Variants in SYCP2 observed in about 807,000 individuals in gnomAD.
SYCP2 encodes synaptonemal complex protein 2.
Under a neutral mutation model 211.3 loss-of-function variants are expected in SYCP2, and 55 were observed. The ratio of observed to expected loss-of-function variants is 0.26; its 90% CI spans 0.21 to 0.33. The LOEUF is 0.33. Ranked by LOEUF, SYCP2 falls within the 10% of genes least tolerant of loss-of-function variation. The pLI is 1.00. For missense variants in SYCP2, 1,731 were observed against 1,752.0 expected, an observed-to-expected ratio of 0.99 and a Z score of 0.21; for synonymous variants, 570 against 555.2, an observed-to-expected ratio of 1.03 and a Z score of -0.37.
intron 36 of SYCP2, among the ~76,000 whole-genome samples, 160 bp from the exon 37 acceptor site, chr20:59,869,085 G>A (rs2059402732): frequency 6.6e-6 from 1 of 151,582 alleles, no homozygotes; most frequent in Admixed American, 6.6e-5. Context: ...TTTACCATGT[G>A]TTAACCTTGA....
rs1568905831 is a variant in SYCP2 at position 59,869,957 on chromosome 20, A to G, written c.3582T>C (p.Asn1194=). 6.2e-7 allele frequency: 1 copy of G among 1,600,814 alleles called. No homozygotes were observed. Among genetic ancestry groups the G allele is most frequent in the Non-Finnish European group, 8.5e-7 (1 of 1,172,560 alleles). ...FLPRHTPTKS[N]TIVNRKKISS... ...TTATTTTTTTTCTATTTACAATAGT[A>G]TTACTCTTAGTTGGAGTATGTCTGG... Residue 1194 remains asparagine (N), a synonymous_variant, in exon 36 of 45, where the codon AAT becomes AAC. Coordinates refer to ENST00000357552, the MANE Select transcript of SYCP2 (RefSeq NM_014258.4).
Position 59,869,797 on chromosome 20 carries a change from C to T in SYCP2, c.3741+1G>A. 1.3e-6 allele frequency: 2 copies of T among 1,587,312 alleles called. No individual in the cohort carries two copies. The highest frequency in any genetic ancestry group is 1.7e-6 in the Non-Finnish European group (2 of 1,160,512). On this transcript the variant is annotated splice_donor_variant, in intron 36 of 44. Coordinates refer to ENST00000357552, the MANE Select transcript of SYCP2 (RefSeq NM_014258.4). LOFTEE classifies it high-confidence loss of function. ...TTTATAAGTTATAGTCCCACACTTA[C>T]CTCTCTTTTGCTTTGTATATAATTT...
chr20:59,880,840 G>A (rs2059663674), intron 30 of SYCP2, 126 bp downstream of exon 30: 3 of 497,060 alleles, frequency 6.0e-6, no homozygotes, highest in Non-Finnish European at 1.1e-5. Context: ...TTCATAATAG[G>A]AAGGTGGATA....
intron 6 of SYCP2, 73 bp from the exon 7 acceptor site, chr20:59,919,255 T>A: frequency 1.2e-6 from 1 of 808,280 alleles, no homozygotes; most frequent in Non-Finnish European, 2.0e-6. Flanking sequence ...TATAAACCAT[T>A]ACAAATGGTA....
Position 59,916,511 on chromosome 20 carries a change from CTT to C in SYCP2, c.486_487del (p.Arg163SerfsTer18), listed in dbSNP as rs1196191780. Reference sequence around the variant, plus strand: ...CTCTTGCTGAATACAAATATTCACTCTTGAGTCAATAACCAGGGAACAAATGC... The same window carrying C: ...CTCTTGCTGAATACAAATATTCACTCGAGTCAATAACCAGGGAACAAATGC... On this transcript the variant is annotated frameshift_variant, in exon 8 of 45. Coordinates refer to ENST00000357552, the MANE Select transcript of SYCP2 (RefSeq NM_014258.4). LOFTEE classifies it high-confidence loss of function. 6.2e-7 allele frequency: 1 copy of C among 1,610,490 alleles called. No individual in the cohort carries two copies. Among genetic ancestry groups the C allele is most frequent in the African/African-American group, 1.3e-5 (1 of 74,826 alleles).
chr20:59,865,863 G>T lies in SYCP2; in HGVS notation c.4323C>A (p.Asp1441Glu), dbSNP rs764075330. 5.9e-6 allele frequency: 8 copies of T among 1,363,132 alleles called. No individual in the cohort carries two copies. The highest frequency in any genetic ancestry group is 1.8e-5 in the South Asian group (1 of 56,466). 84.4% of individuals were successfully genotyped at this position (1,363,132 alleles called of 1,614,324 possible). Residue 1441 changes from aspartate (D) to glutamate (E), a missense_variant and splice_region_variant, in exon 42 of 45, where the codon GAC becomes GAA. By Grantham distance (45) the Asp-to-Glu change is conservative. Transcript: ENST00000357552. ...ACTTCTGAAATATCTTTTCCCAAAAGTCCTAAATTAATTAATAAAATTTTA... is the reference window on the plus strand; with the variant it reads ...ACTTCTGAAATATCTTTTCCCAAAATTCCTAAATTAATTAATAAAATTTTA... Reference protein sequence around the residue: ...SLKDLEKEFVDFWEKIFQKFS... With the variant: ...SLKDLEKEFVEFWEKIFQKFS...
chr20:59,906,786 G>A (rs1568962148), intron 15 of SYCP2, among the ~76,000 whole-genome samples: 1 of 151,850 alleles, frequency 6.6e-6, no homozygotes, highest in East Asian at 1.9e-4. Context: ...TGTCAAAGGA[G>A]TGGAATCTAG....
Position 59,921,447 on chromosome 20 carries a change from C to A in SYCP2, c.31G>T (p.Glu11Ter). The A allele has an allele frequency of 6.3e-7, 1 of 1,599,444 alleles. No individual in the cohort carries two copies. Among genetic ancestry groups the A allele is most frequent in the Non-Finnish European group, 8.5e-7 (1 of 1,171,786 alleles). The change falls in exon 4 of 45, where the codon GAA becomes TAA. Residue 11 changes from glutamate (E) to a stop codon, truncating the protein, a stop_gained. Coordinates refer to ENST00000357552, the MANE Select transcript of SYCP2 (RefSeq NM_014258.4). LOFTEE classifies it high-confidence loss of function. ...CTTAAAGCATCATCAATGCATTTTT[C>A]CAACTGCTAGAGAAATATATTTAAT... is the stretch of plus-strand genomic sequence containing the variant. MPIRPDLQQL[E>*]KCIDDALRKN... is the part of the protein sequence containing the mutation.
chr20:59,917,539 G>A (rs1023805445), intron 7 of SYCP2, among the ~76,000 whole-genome samples: 2 of 152,096 alleles, frequency 1.3e-5, no homozygotes, highest in African/African-American at 4.8e-5. Flanking sequence ...TGGTGCTTTA[G>A]GATTTTTTCC....
Position 59,874,601 on chromosome 20 carries a change from C to T in SYCP2, c.3350-540G>A, listed in dbSNP as rs2059518513. 2.6e-5 allele frequency among the ~76,000 whole-genome samples: 4 copies of T among 151,978 alleles called. No homozygotes were observed. The South Asian group carries it at 6.2e-4, about 24-fold the overall frequency. The stretch of plus-strand genomic sequence containing the variant: ...TCATAGTGGTCCTTAGTACTGAGAA[C>T]ACAATAGCTACTTTAGAGGAAGCAG... On this transcript the variant is annotated intron_variant, in intron 34 of 44. Coordinates refer to ENST00000357552, the MANE Select transcript of SYCP2 (RefSeq NM_014258.4).
At chr20:59,876,168 C>T (rs981496028) in intron 33 of SYCP2, among the ~76,000 whole-genome samples, 9 of 151,066 alleles carry the variant, frequency 6.0e-5, no homozygotes, top group East Asian at 2.0e-4. Flanking sequence ...GTCAAGAGAT[C>T]GAGACCATCC....
chr20:59,875,143 CA>C (rs2059530972), intron 34 of SYCP2, 127 bp downstream of exon 34: 1 of 569,766 alleles, frequency 1.8e-6, no homozygotes, highest in African/African-American at 1.9e-5. Flanking sequence ...ATTAGCTTAA[CA>C]ATGAAGTTTT....
chr20:59,912,745 T>A (rs571050285), intron 12 of SYCP2, among the ~76,000 whole-genome samples: 1 of 152,300 alleles, frequency 6.6e-6, no homozygotes, highest in South Asian at 2.1e-4. Flanking sequence ...TCCCATGTGT[T>A]GTGTGAGGGA....
chr20:59,921,450 A>T lies in SYCP2; in HGVS notation c.28T>A (p.Leu10Met), dbSNP rs1450082817. MPIRPDLQQ[L>M]EKCIDDALRK... ...AAAGCATCATCAATGCATTTTTCCAACTGCTAGAGAAATATATTTAATGGC... is the reference window on the plus strand; with the variant it reads ...AAAGCATCATCAATGCATTTTTCCATCTGCTAGAGAAATATATTTAATGGC... Residue 10 changes from leucine (L) to methionine (M), a missense_variant, in exon 4 of 45, where the codon TTG becomes ATG. This residue lies in a region of SYCP2 where 335 missense variants were observed against 378.8 expected (regional missense o/e 0.88). Coordinates refer to ENST00000357552, the MANE Select transcript of SYCP2 (RefSeq NM_014258.4). The T allele has an allele frequency of 6.3e-7, 1 of 1,597,880 alleles. No individual in the cohort carries two copies. Among genetic ancestry groups the T allele is most frequent in the Non-Finnish European group, 8.5e-7 (1 of 1,170,982 alleles).
intron 18 of SYCP2, 124 bp downstream of exon 18, chr20:59,900,014 C>T (rs901610646): frequency 2.8e-6 from 3 of 1,066,940 alleles, no homozygotes; most frequent in Non-Finnish European, 4.2e-6. Context: ...AGGAGAAACA[C>T]TCTGAAATGT....
At position 59,913,113 on chromosome 20, in the gene SYCP2, TAAG is replaced by T. The variant is rs1227635527; in HGVS notation, c.831-698_831-696del. ...GCTTATTGTTTCCATAGAACTTAAATAAGAATACAAGTGAATAATTACATTAAA... is the reference window on the plus strand; with the variant it reads ...GCTTATTGTTTCCATAGAACTTAAATAATACAAGTGAATAATTACATTAAA... On this transcript the variant is annotated intron_variant, in intron 12 of 44. Transcript: ENST00000357552. Among the ~76,000 whole-genome samples, 9 of 152,280 alleles carry T rather than the reference TAAG, an allele frequency of 5.9e-5. No individual in the cohort carries two copies. In the East Asian group the frequency reaches 1.7e-3, roughly 29 times the overall value.
intron 18 of SYCP2, 137 bp downstream of exon 18, chr20:59,900,001 G>T: frequency 2.1e-6 from 2 of 937,978 alleles, no homozygotes. Flanking sequence ...ATTTGTCAAA[G>T]GTAGGAGAAA....
At chr20:59,913,914 G>A in intron 12 of SYCP2, 61 bp downstream of exon 12, 1 of 1,243,784 alleles carries the variant, frequency 8.0e-7, no homozygotes, top group African/African-American at 1.5e-5. Flanking sequence ...GCAACACTGG[G>A]TGCTCACTCT....
chr20:59,919,646 A>G (rs766350854), intron 5 of SYCP2, 49 bp from the exon 6 acceptor site: 2 of 1,195,514 alleles, frequency 1.7e-6, no homozygotes, highest in East Asian at 2.4e-5. Flanking sequence ...TAATTTTAAG[A>G]ATGTACTTAT....
Sources: allele counts gnomAD v4.1 joint callset (sites outside exome capture counted in the v4.1 genomes callset), GRCh38; gene constraint gnomAD v4.1.1; regional missense constraint gnomAD v4.1.1; transcripts MANE v1.5; gene names NCBI Gene and HGNC (gene_info 2026-07-23, HGNC 2026-07-21).